Variants in PREX2 observed in about 807,000 individuals in gnomAD.
PREX2 encodes phosphatidylinositol-3,4,5-trisphosphate dependent Rac exchange factor 2, also known as phosphatidylinositol 3,4,5-trisphosphate-dependent Rac exchanger 2 protein.
Under a neutral mutation model 203.2 loss-of-function variants are expected in PREX2, and 107 were observed. The ratio of observed to expected loss-of-function variants is 0.53; its 90% confidence interval spans 0.45 to 0.62. The LOEUF is 0.62. Among genes scored for constraint, PREX2 ranks in the 20% least tolerant of loss-of-function variants. The probability of loss-of-function intolerance (pLI) is 0.00; values close to 1 mark genes in which losing one functional copy is unlikely to be tolerated. For synonymous variants in PREX2, 672 were observed against 663.6 expected, an observed-to-expected ratio of 1.01 and a Z score of -0.19; for missense variants, 1,777 against 1,955.9, an observed-to-expected ratio of 0.91 and a Z score of 1.72.
Position 68,080,853 on chromosome 8 carries a change from C to A in PREX2, c.1878+15C>A, listed in dbSNP as rs372058265. On this transcript the variant is annotated intron_variant, in intron 17 of 39. Coordinates refer to ENST00000288368, the MANE Select transcript of PREX2 (RefSeq NM_024870.4). ...CTAATGCTGAGGTAATGTAAATTAG[C>A]GTTTTAATTTAAATTTGTTATCATG... 4 of 1,289,340 alleles carry A rather than the reference C, an allele frequency of 3.1e-6. No individual in the cohort carries two copies. Among genetic ancestry groups the A allele is most frequent in the African/African-American group, 1.5e-5 (1 of 66,896 alleles). The allele number at this position is 1,289,340 out of a possible 1,614,324, so 79.9% of individuals were successfully genotyped here.
intron 37 of PREX2, 59 bp from the exon 38 acceptor site, chr8:68,217,557 C>A: frequency 1.6e-6 from 2 of 1,222,784 alleles, no homozygotes; most frequent in South Asian, 1.2e-5. Flanking sequence ...TAATCCACAT[C>A]ATCTCAAAGG....
Position 68,080,823 on chromosome 8 carries a change from G to A in PREX2, c.1863G>A (p.Lys621=). The A allele has an allele frequency of 6.7e-7, 1 of 1,498,094 alleles. No homozygotes were observed. Among genetic ancestry groups the A allele is most frequent in the African/African-American group, 1.4e-5 (1 of 72,282 alleles). The allele number at this position is 1,498,094 out of a possible 1,614,324, so 92.8% of individuals were successfully genotyped here. Residue 621 remains lysine, a synonymous_variant, in exon 17 of 40, where the codon AAG becomes AAA. Coordinates refer to ENST00000288368, the MANE Select transcript of PREX2 (RefSeq NM_024870.4). ...NKVPIIKLVE[K]GSNAEMAGME... is the part of the protein sequence containing the mutation. ...TTCCAATAATAAAGTTGGTAGAAAA[G>A]GGATCTAATGCTGAGGTAATGTAAA...
At chr8:68,026,679 C>CTT (rs34089140) in intron 4 of PREX2, among the ~76,000 whole-genome samples, 69,595 of 151,350 alleles carry the variant, frequency 0.46, 20,152 homozygotes, top group African/African-American at 0.83. Context: ...TTTCCAGTGT[C>CTT]TGGTGCAGTG....
intron 33 of PREX2, among the ~76,000 whole-genome samples, chr8:68,139,842 G>T (rs1811190779): frequency 1.3e-5 from 2 of 152,156 alleles, no homozygotes; most frequent in Non-Finnish European, 2.9e-5. Flanking sequence ...CTGGCAGAGG[G>T]TATTTGATAA....
chr8:68,139,973 T>G (rs1299070035), intron 33 of PREX2, among the ~76,000 whole-genome samples: 1 of 152,196 alleles, frequency 6.6e-6, no homozygotes, highest in East Asian at 1.9e-4. Flanking sequence ...ACTCTATTTT[T>G]GTGATATAAC....
intron 1 of PREX2, among the ~76,000 whole-genome samples, chr8:67,991,042 C>T (rs1217241689): frequency 6.6e-6 from 1 of 152,138 alleles, no homozygotes; most frequent in Non-Finnish European, 1.5e-5. Context: ...TCTCAGCTAA[C>T]CCGATTTGTA....
At chr8:68,140,333 C>T (rs1476480967) in intron 33 of PREX2, among the ~76,000 whole-genome samples, 1 of 152,168 alleles carries the variant, frequency 6.6e-6, no homozygotes, top group African/African-American at 2.4e-5. Context: ...TAGTGAGGGG[C>T]TGGTTCCAAT....
At chr8:68,141,207 AT>A (rs1292771898) in intron 33 of PREX2, among the ~76,000 whole-genome samples, 8 of 152,216 alleles carry the variant, frequency 5.3e-5, no homozygotes, top group Admixed American at 2.0e-4. Context: ...AATTACATTT[AT>A]TTTGTGGAAA....
chr8:67,987,413 G>A (rs571895151), intron 1 of PREX2, among the ~76,000 whole-genome samples: 40 of 152,044 alleles, frequency 2.6e-4, no homozygotes, highest in Non-Finnish European at 5.3e-4. Flanking sequence ...CTCTTCAATC[G>A]GCTGGATTTC....
chr8:68,034,668 G>A (rs1317454080), intron 6 of PREX2, among the ~76,000 whole-genome samples: 1 of 152,082 alleles, frequency 6.6e-6, no homozygotes, highest in East Asian at 1.9e-4. Context: ...TTTTTACATG[G>A]AAAAATACAG....
intron 8 of PREX2, among the ~76,000 whole-genome samples, chr8:68,045,155 T>C (rs1178249239): frequency 6.6e-6 from 1 of 152,042 alleles, no homozygotes; most frequent in Non-Finnish European, 1.5e-5. Flanking sequence ...TGGGATTTAA[T>C]AAGCTAATTT....
Position 68,108,288 on chromosome 8 carries a change from G to T in PREX2, c.2895G>T (p.Arg965Ser). The T allele has an allele frequency of 6.2e-7, 1 of 1,613,896 alleles. No individual in the cohort carries two copies. The highest frequency in any genetic ancestry group is 8.5e-7 in the Non-Finnish European group (1 of 1,179,860). ...GSAFGVQLDS[R>S]KHNSHDKENK... ...CATTTGGTGTTCAGTTGGATAGCAG[G>T]AAGCATAATTCTCATGATAAAGAAA... The change falls in exon 24 of 40, where the codon AGG becomes AGT. Residue 965 changes from arginine to serine, a missense_variant. Arg to Ser is a moderately radical substitution (Grantham distance 110, BLOSUM62 -1). Transcript: ENST00000288368.
chr8:68,034,930 T>C (rs1807986919), intron 6 of PREX2, among the ~76,000 whole-genome samples: 1 of 152,130 alleles, frequency 6.6e-6, no homozygotes, highest in African/African-American at 2.4e-5. Context: ...ATAGTCTTTG[T>C]TATTTGAGGA....
chr8:68,081,882 G>C (rs1809540455), intron 17 of PREX2, among the ~76,000 whole-genome samples: 1 of 148,208 alleles, frequency 6.7e-6, no homozygotes. Flanking sequence ...TTTTTTAATA[G>C]AGACAGGTTT....
At chr8:67,964,633 T>G (rs546289760) in intron 1 of PREX2, among the ~76,000 whole-genome samples, 1 of 152,340 alleles carries the variant, frequency 6.6e-6, no homozygotes, top group East Asian at 1.9e-4. Flanking sequence ...TTTTTGTTTT[T>G]TTTTCCATTG....
intron 7 of PREX2, among the ~76,000 whole-genome samples, chr8:68,039,455 A>G (rs888625502): frequency 6.6e-6 from 1 of 151,734 alleles, no homozygotes; most frequent in South Asian, 2.1e-4. Flanking sequence ...TCTGCATTTG[A>G]CTCGTTTTCC....
rs763016425 is a variant in PREX2 at position 68,097,210 on chromosome 8, G to A, written c.2553+9G>A. 1.4e-5 allele frequency: 23 copies of A among 1,586,814 alleles called. No individual in the cohort carries two copies. The highest frequency in any genetic ancestry group is 2.0e-5 in the Non-Finnish European group (23 of 1,165,058). On this transcript the variant is annotated intron_variant, in intron 22 of 39. Coordinates refer to ENST00000288368, the MANE Select transcript of PREX2 (RefSeq NM_024870.4). The stretch of plus-strand genomic sequence containing the variant: ...TCAGCTTAACTGCCAAGGTAGGAGC[G>A]ATGCTGAAGAAATAAGATTTTTTGT...
chr8:68,100,515 G>A (rs945613986), intron 23 of PREX2, among the ~76,000 whole-genome samples: 6 of 152,214 alleles, frequency 3.9e-5, no homozygotes, highest in African/African-American at 1.4e-4. Flanking sequence ...TCTGTGGCTA[G>A]AGAAAGCCCC....
At chr8:68,163,927 A>C (rs1249811153) in intron 35 of PREX2, among the ~76,000 whole-genome samples, 1 of 152,116 alleles carries the variant, frequency 6.6e-6, no homozygotes, top group African/African-American at 2.4e-5. Flanking sequence ...CATCACATAC[A>C]CCAAGGTCAA....
Sources: gnomAD v4.1 joint callset for allele counts (sites outside exome capture counted in the v4.1 genomes callset) on GRCh38, gnomAD v4.1.1 for gene constraint, MANE v1.5 for transcripts, NCBI Gene and HGNC (gene_info 2026-07-23, HGNC 2026-07-21) for gene names.